Variants in XYLB observed in about 807,000 individuals in gnomAD.
XYLB encodes the protein xylulose kinase.
Under a neutral mutation model 78.7 loss-of-function variants are expected in XYLB, and 62 were observed. The ratio of observed to expected loss-of-function variants is 0.79; its 90% CI spans 0.64 to 0.97. The LOEUF (loss-of-function observed/expected upper bound fraction) is 0.97, where lower values mean the gene tolerates loss of function less well. XYLB is among the 50% of genes least tolerant of loss of function. The pLI, the probability that XYLB is intolerant of heterozygous loss-of-function variation, is 0.00. For synonymous variants in XYLB, 245 were observed against 247.4 expected (o/e 0.99, Z 0.09); for missense variants, 687 against 676.8 (o/e 1.02, Z -0.17).
the XYLB span, among the ~76,000 whole-genome samples, chr3:38,433,349 C>T: frequency 6.6e-6 from 1 of 152,246 alleles, no homozygotes; most frequent in Admixed American, 6.5e-5. Flanking sequence ...AGTTCTCTGA[C>T]ATGCCCTGGA....
At chr3:38,407,691 C>T (rs1708385449) in intron 18 of XYLB, among the ~76,000 whole-genome samples, 1 of 152,106 alleles carries the variant, frequency 6.6e-6, no homozygotes, top group Admixed American at 6.6e-5. Context: ...GGAGGAAGAT[C>T]TACCAAACAA....
At chr3:38,381,783 G>A (rs1707157570) in intron 15 of XYLB, among the ~76,000 whole-genome samples, 1 of 152,202 alleles carries the variant, frequency 6.6e-6, no homozygotes, top group Non-Finnish European at 1.5e-5. Context: ...CCAAAACCCT[G>A]TCTCCTGATA....
chr3:38,375,347 C>A, intron 12 of XYLB, 88 bp downstream of exon 12: 2 of 1,154,644 alleles, frequency 1.7e-6, no homozygotes, highest in Non-Finnish European at 1.3e-6. Flanking sequence ...AGTCATTCCA[C>A]TAAGCTCTGG....
intron 15 of XYLB, among the ~76,000 whole-genome samples, chr3:38,391,614 A>C (rs1230933197): frequency 6.7e-6 from 1 of 149,168 alleles, no homozygotes; most frequent in Admixed American, 6.9e-5. Flanking sequence ...CTATGACCTG[A>C]CTGTGTCTCC....
At chr3:38,422,745 A>G (rs562899738), downstream of XYLB, among the ~76,000 whole-genome samples, 23 of 152,254 alleles carry the variant, frequency 1.5e-4, no homozygotes, top group Middle Eastern at 3.4e-3. Context: ...GAACAATTAT[A>G]TAGCCCTCAA....
chr3:38,359,871 C>G (rs1386882511), intron 2 of XYLB, among the ~76,000 whole-genome samples: 1 of 151,770 alleles, frequency 6.6e-6, no homozygotes, highest in Non-Finnish European at 1.5e-5. Context: ...GCTCTTTGCA[C>G]TAGAGTCTTC....
chr3:38,348,555 GGTT>G lies in XYLB; in HGVS notation c.68_70del (p.Val23del). 1 of 1,614,172 alleles carries G rather than the reference GGTT, an allele frequency of 6.2e-7. No individual in the cohort carries two copies. Among genetic ancestry groups the G allele is most frequent in the Non-Finnish European group, 8.5e-7 (1 of 1,180,032 alleles). ...TTTTTTAAAATGCCTTTCAGGTAAA[GGTT>G]GTTGCTGTTGATGCAGAGTTGAATG... is the stretch of plus-strand genomic sequence containing the variant. On this transcript the variant is annotated inframe_deletion, in exon 2 of 19. Transcript: ENST00000207870.
intron 7 of XYLB, 130 bp from the exon 8 acceptor site, chr3:38,368,055 A>G (rs1485164715): frequency 5.0e-6 from 4 of 792,142 alleles, no homozygotes; most frequent in East Asian, 2.5e-5. Flanking sequence ...CTCCACCATT[A>G]CTTGGGCCTT....
At chr3:38,438,725 A>C in the XYLB span, among the ~76,000 whole-genome samples, 1 of 152,170 alleles carries the variant, frequency 6.6e-6, no homozygotes, top group Non-Finnish European at 1.5e-5. Context: ...GCGTGGAAGG[A>C]AACCCGAGTG....
intron 17 of XYLB, among the ~76,000 whole-genome samples, chr3:38,398,927 G>A (rs1289246248): frequency 6.6e-6 from 1 of 151,772 alleles, no homozygotes; most frequent in African/African-American, 2.4e-5. Flanking sequence ...AGCTACTCGG[G>A]AGGCTGAGGC....
intron 14 of XYLB, among the ~76,000 whole-genome samples, chr3:38,378,242 T>C (rs566991787): frequency 1.6e-4 from 24 of 152,402 alleles, no homozygotes; most frequent in African/African-American, 5.0e-4. Context: ...TTCTCTTTCA[T>C]GCATATCAAT....
At position 38,395,633 on chromosome 3, in the gene XYLB, G is replaced by T. The variant is rs1394963927; in HGVS notation, c.1350+70G>T. The T allele has an allele frequency of 2.6e-6, 4 of 1,517,266 alleles. No individual in the cohort carries two copies. The Admixed American group carries it at 5.0e-5, about 19-fold the overall frequency. 94.0% of individuals were successfully genotyped at this position (1,517,266 alleles called of 1,614,324 possible). A position where few individuals can be genotyped will look rare whatever the true frequency, so the allele number is the denominator to read the frequency against. On this transcript the variant is annotated intron_variant, in intron 16 of 18. Transcript: ENST00000207870. Reference sequence around the variant, plus strand: ...TGTTATGTCTAAGAGCCAGAGACTGGATAGGAAGGACAGCCTCCATTCCCA... The same window carrying T: ...TGTTATGTCTAAGAGCCAGAGACTGTATAGGAAGGACAGCCTCCATTCCCA...
At position 38,393,542 on chromosome 3, in the gene XYLB, G is replaced by A. The variant is rs571385880; in HGVS notation, c.1292-1963G>A. ...GCTTTGTAGTATGTCAGTATTAGTT[G>A]GCTAGGGCTGCCATAAGAATGTGCC... On this transcript the variant is annotated intron_variant, in intron 15 of 18. Transcript: ENST00000207870. Among the ~76,000 whole-genome samples the A allele has an allele frequency of 5.3e-5, 8 of 152,302 alleles. No homozygotes were observed. The South Asian group carries it at 1.7e-3, about 32-fold the overall frequency.
intron 2 of XYLB, among the ~76,000 whole-genome samples, chr3:38,358,337 G>T (rs927110155): frequency 1.3e-5 from 1 of 77,500 alleles, no homozygotes; most frequent in African/African-American, 3.5e-5. Flanking sequence ...GTGTGTGTGT[G>T]TGTGTGTGTG....
In XYLB at chr3:38,376,947, C is replaced by G. The variant is rs769232950; in HGVS notation, c.1150C>G (p.Pro384Ala). Residue 384 changes from proline to alanine, a missense_variant, in exon 14 of 19, where the codon CCT becomes GCT. Coordinates refer to ENST00000207870, the MANE Select transcript of XYLB (RefSeq NM_005108.4). ...GFYFDVMEIT[P>A]EIIGRHRFNT... ...TTATTTTGATGTAATGGAGATCACC[C>G]CTGAAATTATTGGACGTCATAGGTT... 1.9e-6 allele frequency: 3 copies of G among 1,613,902 alleles called. No homozygotes were observed. The highest frequency in any genetic ancestry group is 1.7e-6 in the Non-Finnish European group (2 of 1,179,954).
chr3:38,386,719 A>G (rs1273191920), intron 15 of XYLB, among the ~76,000 whole-genome samples: 2 of 152,196 alleles, frequency 1.3e-5, no homozygotes, highest in Admixed American at 6.5e-5. Flanking sequence ...TTTTACGAAC[A>G]TGCTTGCACT....
At chr3:38,434,234 CA>C in the XYLB span, among the ~76,000 whole-genome samples, 2 of 152,190 alleles carry the variant, frequency 1.3e-5, no homozygotes, top group Non-Finnish European at 2.9e-5. Context: ...GGTGGGGACA[CA>C]GCCAAACCAT....
chr3:38,415,464 A>C (rs887494835), downstream of XYLB, among the ~76,000 whole-genome samples: 3 of 152,212 alleles, frequency 2.0e-5, no homozygotes, highest in Admixed American at 1.3e-4. Flanking sequence ...GAAGAACCGT[A>C]TTAGTCCCTT....
chr3:38,362,898 G>T, intron 3 of XYLB, 39 bp from the exon 4 acceptor site: 1 of 1,468,224 alleles, frequency 6.8e-7, no homozygotes. Context: ...TGATTCAGTG[G>T]TTCTGTACAG....
Sources: allele counts gnomAD v4.1 joint callset (sites outside exome capture counted in the v4.1 genomes callset), GRCh38; gene constraint gnomAD v4.1.1; transcripts MANE v1.5; gene names NCBI Gene and HGNC (gene_info 2026-07-23, HGNC 2026-07-21).